The following RIMS2 variants were observed in gnomAD, a reference collection of about 807,000 sequenced individuals.
RIMS2 encodes the protein regulating synaptic membrane exocytosis 2.
A neutral mutation model predicts 174.4 loss-of-function variants in RIMS2; 59 were observed. The observed-to-expected ratio is 0.34, with a 90% CI of 0.27 to 0.42. RIMS2 has a LOEUF of 0.42. Among genes scored for constraint, RIMS2 ranks in the 10% least tolerant of loss-of-function variants. The pLI, the probability that RIMS2 is intolerant of heterozygous loss-of-function variation, is 1.00. For synonymous variants in RIMS2, 606 were observed against 572.5 expected (o/e 1.06, Z -0.84); for missense variants, 1,620 against 1,666.3 (o/e 0.97, Z 0.48).
At chr8:103,841,988 AATAG>A (rs2098942814) in intron 3 of RIMS2, among the ~76,000 whole-genome samples, 1 of 152,140 alleles carries the variant, frequency 6.6e-6, no homozygotes, top group African/African-American at 2.4e-5. Flanking sequence ...GAAAAAAAGA[AATAG>A]ATAGCTTTAT....
At chr8:103,871,104 T>C (rs1468981435) in intron 3 of RIMS2, among the ~76,000 whole-genome samples, 2 of 152,288 alleles carry the variant, frequency 1.3e-5, no homozygotes, top group Admixed American at 6.5e-5. Flanking sequence ...TATAAATAAT[T>C]CCAATAGAAA....
At chr8:103,608,713 T>G (rs2134081992) in intron 1 of RIMS2, among the ~76,000 whole-genome samples, 2 of 152,054 alleles carry the variant, frequency 1.3e-5, no homozygotes, top group South Asian at 2.1e-4. Flanking sequence ...TTTTAAGCCC[T>G]TCAGAAAAGC....
Position 104,020,652 on chromosome 8 carries a change from A to G in RIMS2, c.3334+6037A>G, listed in dbSNP as rs528349272. 2.0e-5 allele frequency among the ~76,000 whole-genome samples: 3 copies of G among 152,162 alleles called. No homozygotes were observed. The South Asian group carries it at 6.2e-4, about 31-fold the overall frequency. ...AGTGGTCATGTTATACATTTACAAA[A>G]TCACAGCATGGATATTTTTCAATCC... is the stretch of plus-strand genomic sequence containing the variant. On this transcript the variant is annotated intron_variant, in intron 19 of 23. Transcript: ENST00000504942.
intron 2 of RIMS2, among the ~76,000 whole-genome samples, chr8:103,765,205 T>C (rs2098156017): frequency 6.6e-6 from 1 of 152,188 alleles, no homozygotes; most frequent in South Asian, 2.1e-4. Flanking sequence ...TGAACGGTTA[T>C]TTTATGATAA....
intron 19 of RIMS2, among the ~76,000 whole-genome samples, chr8:104,204,741 G>A (rs1244808308): frequency 2.0e-5 from 3 of 152,190 alleles, no homozygotes; most frequent in African/African-American, 7.2e-5. Flanking sequence ...GGAGAACTGA[G>A]CCTAGAGAAG....
At chr8:103,575,181 C>T (rs78015094) in intron 1 of RIMS2, among the ~76,000 whole-genome samples, 9,724 of 152,100 alleles carry the variant, frequency 0.064, 390 homozygotes, top group South Asian at 0.087. Flanking sequence ...GTCCATTGAA[C>T]ACGTGGAAAG....
chr8:104,138,768 T>C (rs570855912), intron 19 of RIMS2, among the ~76,000 whole-genome samples: 3 of 152,150 alleles, frequency 2.0e-5, no homozygotes, highest in Non-Finnish European at 4.4e-5. Flanking sequence ...CCTTTTAACC[T>C]GATGTGATCC....
At chr8:104,148,768 G>A (rs775941559) in intron 19 of RIMS2, 53 of 1,598,258 alleles carry the variant, frequency 3.3e-5, no homozygotes, top group African/African-American at 9.3e-5. Flanking sequence ...AAAAAGCGGC[G>A]CTCTAGCCTT....
At chr8:103,894,025 A>G (rs2099263307) in intron 4 of RIMS2, among the ~76,000 whole-genome samples, 1 of 152,116 alleles carries the variant, frequency 6.6e-6, no homozygotes, top group East Asian at 1.9e-4. Context: ...ACATGTTACC[A>G]GATTAAACAC....
intron 3 of RIMS2, among the ~76,000 whole-genome samples, chr8:103,791,340 G>A (rs1592482188): frequency 6.6e-6 from 1 of 152,214 alleles, no homozygotes; most frequent in East Asian, 1.9e-4. Flanking sequence ...AAGTGAATCA[G>A]AAATAAATCC....
At chr8:104,024,248 C>G (rs2096191840) in intron 19 of RIMS2, among the ~76,000 whole-genome samples, 1 of 152,150 alleles carries the variant, frequency 6.6e-6, no homozygotes, top group Non-Finnish European at 1.5e-5. Context: ...TGGCCTCGAA[C>G]CTTTTGCTTG....
At chr8:103,835,040 G>A (rs1431706469) in intron 3 of RIMS2, among the ~76,000 whole-genome samples, 1 of 151,760 alleles carries the variant, frequency 6.6e-6, no homozygotes, top group African/African-American at 2.4e-5. Flanking sequence ...CAAAGTGCTG[G>A]GATTACAGGC....
At chr8:103,682,460 G>T (rs1364347873) in intron 1 of RIMS2, among the ~76,000 whole-genome samples, 2 of 152,130 alleles carry the variant, frequency 1.3e-5, no homozygotes, top group African/African-American at 4.8e-5. Context: ...TGACTGAAAC[G>T]TTTGTCCATT....
chr8:103,814,436 C>CTTTA (rs2098706799), intron 3 of RIMS2, among the ~76,000 whole-genome samples: 1 of 151,006 alleles, frequency 6.6e-6, no homozygotes, highest in Admixed American at 6.6e-5. Flanking sequence ...AAAAAAAAAA[C>CTTTA]TTAAAAAGAA....
chr8:103,627,627 G>A (rs576203147), intron 1 of RIMS2, among the ~76,000 whole-genome samples: 4 of 152,186 alleles, frequency 2.6e-5, no homozygotes, highest in Non-Finnish European at 4.4e-5. Context: ...CACAATTTAT[G>A]TTCTTCTGCC....
intron 1 of RIMS2, among the ~76,000 whole-genome samples, chr8:103,623,585 C>T (rs574021222): frequency 2.7e-5 from 4 of 146,136 alleles, no homozygotes; most frequent in African/African-American, 7.6e-5. Context: ...CCCGGGTTCA[C>T]GCCATTCTCC....
chr8:103,778,920 T>C (rs1405567540), intron 3 of RIMS2, among the ~76,000 whole-genome samples: 2 of 152,140 alleles, frequency 1.3e-5, no homozygotes, highest in Admixed American at 6.6e-5. Context: ...CCCTTATCCT[T>C]GTCTTTTTGA....
At chr8:104,000,158 T>A (rs1292743838) in intron 17 of RIMS2, among the ~76,000 whole-genome samples, 10 of 151,560 alleles carry the variant, frequency 6.6e-5, no homozygotes, top group East Asian at 1.9e-4. Flanking sequence ...TTTGTTTTTT[T>A]AAAAAATATT....
chr8:104,111,007 T>C (rs2098171246), intron 19 of RIMS2, among the ~76,000 whole-genome samples: 2 of 152,136 alleles, frequency 1.3e-5, no homozygotes, highest in African/African-American at 4.8e-5. Context: ...AAAATAAATA[T>C]TTTTATTCTT....
Sources: gnomAD v4.1 joint callset for allele counts (sites outside exome capture counted in the v4.1 genomes callset) on GRCh38, gnomAD v4.1.1 for gene constraint, MANE v1.5 for transcripts, NCBI Gene and HGNC (gene_info 2026-07-23, HGNC 2026-07-21) for gene names.